Variants in SDE2 observed in about 807,000 individuals in gnomAD.
The protein encoded by SDE2 is spliceosome associated SDE2.
SDE2 carries 31 observed loss-of-function variants against 46.9 expected under a neutral mutation model. The observed-to-expected ratio is 0.66, with a 90% CI of 0.50 to 0.89. The LOEUF is 0.89. Among genes scored for constraint, SDE2 ranks in the 40% least tolerant of loss-of-function variants. The pLI is 0.00. For synonymous variants in SDE2, 205 were observed against 204.3 expected (o/e 1.00, Z -0.03); for missense variants, 542 against 564.4 (o/e 0.96, Z 0.40).
chr1:225,987,092 G>T (rs1007059058), intron 6 of SDE2, among the ~76,000 whole-genome samples: 2 of 152,108 alleles, frequency 1.3e-5, no homozygotes, highest in African/African-American at 4.8e-5. Flanking sequence ...GCCCAGGCTG[G>T]AGTACAGTGG....
intron 5 of SDE2, among the ~76,000 whole-genome samples, chr1:225,989,420 G>A (rs1656344959): frequency 6.6e-6 from 1 of 151,618 alleles, no homozygotes; most frequent in Non-Finnish European, 1.5e-5. Flanking sequence ...CTTGAGGTTA[G>A]GAGTTCAAGA....
chr1:225,997,853 G>A (rs913949594), intron 1 of SDE2, among the ~76,000 whole-genome samples: 3 of 152,282 alleles, frequency 2.0e-5, no homozygotes, highest in Middle Eastern at 3.4e-3. Context: ...CTCATAGGCC[G>A]GGAGGAGTGG....
At chr1:225,990,056 C>A (rs115913547) in intron 5 of SDE2, among the ~76,000 whole-genome samples, 2 of 146,996 alleles carry the variant, frequency 1.4e-5, no homozygotes, top group African/African-American at 2.5e-5. Flanking sequence ...ACCTCAGCAA[C>A]AGAGTGAGGA....
intron 4 of SDE2, among the ~76,000 whole-genome samples, chr1:225,992,013 T>C (rs1407028292): frequency 6.6e-6 from 1 of 152,090 alleles, no homozygotes; most frequent in Non-Finnish European, 1.5e-5. Context: ...ACCCTGACTG[T>C]ACTAAAAATA....
Position 225,988,199 on chromosome 1 carries a change from T to C in SDE2, c.831A>G (p.Gly277=). The change falls in exon 6 of 7, where the codon GGA becomes GGG. Residue 277 remains glycine, a synonymous_variant. Transcript: ENST00000272091. ...QRARVVNTDH[G]SPEQLQIPVT... ...CCGGGATCTGCAGTTGTTCTGGTGA[T>C]CCATGGTCTGTATTCACTACTCTCG... 6.2e-7 allele frequency: 1 copy of C among 1,614,154 alleles called. No homozygotes were observed. The highest frequency in any genetic ancestry group is 8.5e-7 in the Non-Finnish European group (1 of 1,180,000).
At chr1:225,991,481 G>C (rs781244225) in intron 4 of SDE2, 118 bp from the exon 5 acceptor site, 8 of 695,768 alleles carry the variant, frequency 1.1e-5, no homozygotes, top group African/African-American at 9.0e-5. Context: ...AATTTCTTAA[G>C]ATACCAACAT....
chr1:225,995,070 G>A (rs572813634), intron 2 of SDE2, among the ~76,000 whole-genome samples, 196 bp downstream of exon 2: 2 of 152,076 alleles, frequency 1.3e-5, no homozygotes, highest in Non-Finnish European at 2.9e-5. Flanking sequence ...AAGAATAAGA[G>A]AGAAAATGTC....
Position 225,985,145 on chromosome 1 carries a change from T to C in SDE2, c.*157A>G. 3.2e-6 allele frequency: 2 copies of C among 619,954 alleles called. No individual in the cohort carries two copies. The highest frequency in any genetic ancestry group is 5.7e-6 in the Non-Finnish European group (2 of 352,702). 38.4% of individuals were successfully genotyped at this position (619,954 alleles called of 1,614,324 possible). ...TTAAGGCCCAGATGGTTTCAGACAT[T>C]AATTCTACAGCCCTGACAAGGAAAA... On this transcript the variant is annotated 3_prime_UTR_variant, in exon 7 of 7. Transcript: ENST00000272091.
intron 5 of SDE2, among the ~76,000 whole-genome samples, chr1:225,989,642 A>G (rs1656349406): frequency 6.6e-6 from 1 of 151,972 alleles, no homozygotes; most frequent in Non-Finnish European, 1.5e-5. Flanking sequence ...AAAAAAAAAA[A>G]AAGAAGGAAA....
chr1:225,993,788 G>A (rs1000204923), intron 2 of SDE2, among the ~76,000 whole-genome samples: 4 of 152,072 alleles, frequency 2.6e-5, no homozygotes, highest in Non-Finnish European at 4.4e-5. Context: ...CCTAAGAGAT[G>A]GGGCCTTGCT....
chr1:225,995,230 T>C (rs201089267), intron 2 of SDE2, 36 bp downstream of exon 2: 65 of 992,046 alleles, frequency 6.6e-5, no homozygotes, highest in African/African-American at 4.2e-4. Flanking sequence ...AGACTGCAAA[T>C]GTGTTACAAC....
At chr1:225,991,969 A>G (rs1282578691) in intron 4 of SDE2, among the ~76,000 whole-genome samples, 1 of 152,208 alleles carries the variant, frequency 6.6e-6, no homozygotes, top group African/African-American at 2.4e-5. Context: ...GCACGAGGTT[A>G]GGAGTTTGAG....
rs748224059 is a variant in SDE2 at position 225,988,037 on chromosome 1, T to G, written c.993A>C (p.Glu331Asp). 1 of 1,614,242 alleles carries G rather than the reference T, an allele frequency of 6.2e-7. No homozygotes were observed. Among genetic ancestry groups the G allele is most frequent in the South Asian group, 1.1e-5 (1 of 91,090 alleles). Residue 331 changes from glutamate (E) to aspartate (D), a missense_variant, in exon 6 of 7, where the codon GAA becomes GAC. By Grantham distance (45) the Glu-to-Asp change is conservative. This residue lies in a region of SDE2 where 401 missense variants were observed against 437.8 expected (regional missense o/e 0.92). Transcript: ENST00000272091. ...TCAGTCCAGCCCCAGTGGGCTCCTC[T>G]TCTATGGGTTCTTTACTCTCTGCCT... The part of the protein sequence containing the change: ...EKKAESKEPI[E>D]EEPTGAGLNK...
chr1:225,989,564 G>A (rs1212629150), intron 5 of SDE2, among the ~76,000 whole-genome samples: 1 of 151,548 alleles, frequency 6.6e-6, no homozygotes, highest in African/African-American at 2.4e-5. Flanking sequence ...GGGAGGCAGA[G>A]GTTGCAGTAA....
At chr1:225,989,659 C>T (rs567646364) in intron 5 of SDE2, among the ~76,000 whole-genome samples, 34 of 151,036 alleles carry the variant, frequency 2.3e-4, no homozygotes, top group Non-Finnish European at 3.7e-4. Context: ...GAAAATTATT[C>T]GGTGCCGCCC....
chr1:225,989,802 G>A (rs538914829), intron 5 of SDE2, among the ~76,000 whole-genome samples: 6 of 151,278 alleles, frequency 4.0e-5, no homozygotes, highest in South Asian at 2.1e-4. Flanking sequence ...TGGGCTGGAC[G>A]CGGTGGCTCA....
rs1408088473 is a variant in SDE2 at position 225,985,457 on chromosome 1, A to C, written c.1201T>G (p.Leu401Val). ...ATCAGTTCACATTTGAGCTTCTCCA[A>C]ACCCAGCAACTCCAGTTCTGCAACA... ...TSVAELELLG[L>V]EKLKCELMAL... Residue 401 changes from leucine to valine, a missense_variant, in exon 7 of 7, where the codon TTG becomes GTG. By Grantham distance (32) the Leu-to-Val change is conservative (BLOSUM62 1). Coordinates refer to ENST00000272091, the MANE Select transcript of SDE2 (RefSeq NM_152608.4). 1 of 1,614,090 alleles carries C rather than the reference A, an allele frequency of 6.2e-7. No individual in the cohort carries two copies. The highest frequency in any genetic ancestry group is 2.2e-5 in the East Asian group (1 of 44,898).
chr1:225,987,842 AT>A, intron 6 of SDE2, 53 bp downstream of exon 6: 2 of 1,470,898 alleles, frequency 1.4e-6, no homozygotes, highest in Non-Finnish European at 1.8e-6. Flanking sequence ...TTAATGACTT[AT>A]TGTGGAGATT....
At chr1:225,992,861 C>T in intron 3 of SDE2, 30 bp downstream of exon 3, 1 of 1,337,282 alleles carries the variant, frequency 7.5e-7, no homozygotes, top group Non-Finnish European at 1.1e-6. Context: ...TGTCTCTCCT[C>T]AAAAACACAA....
Sources: gnomAD v4.1 joint callset for allele counts (sites outside exome capture counted in the v4.1 genomes callset) on GRCh38, gnomAD v4.1.1 for gene constraint, gnomAD v4.1.1 regional missense constraint, MANE v1.5 for transcripts, NCBI Gene and HGNC (gene_info 2026-07-23, HGNC 2026-07-21) for gene names.